DOK6: variants seen among roughly 807,000 people sequenced by gnomAD.
DOK6 encodes docking protein 6.
In DOK6, 22 loss-of-function variants were observed where a neutral mutation model predicts 44.0. That is an observed-to-expected ratio of 0.50 (90% CI 0.36 to 0.71). The LOEUF (loss-of-function observed/expected upper bound fraction) is 0.71. Among genes scored for constraint, DOK6 ranks in the 30% least tolerant of loss-of-function variants. The pLI is 0.00. For missense variants in DOK6, 340 were observed against 416.4 expected, an observed-to-expected ratio of 0.82 and a Z score of 1.60; for synonymous variants, 166 against 145.5, an observed-to-expected ratio of 1.14 and a Z score of -1.01.
chr18:69,617,450 GAGGA>G (rs934956627), intron 3 of DOK6, among the ~76,000 whole-genome samples: 7 of 147,112 alleles, frequency 4.8e-5, no homozygotes, highest in Admixed American at 1.4e-4. Flanking sequence ...GGGAGAGAGG[GAGGA>G]AGGAAGGAAG....
In DOK6 at chr18:69,757,802, C is replaced by G. The variant is rs1428870621; in HGVS notation, c.785C>G (p.Ser262Cys). 6.2e-7 allele frequency: 1 copy of G among 1,614,168 alleles called. No individual in the cohort carries two copies. The highest frequency in any genetic ancestry group is 1.1e-5 in the South Asian group (1 of 91,090). ...CCAATGACATTATCCAAATCAATAT[C>G]TCTTCCTCGCAGCGCGTACTGGCAT... ...TEPMTLSKSI[S>C]LPRSAYWHHI... Residue 262 changes from serine to cysteine, a missense_variant, in exon 7 of 8, where the codon TCT becomes TGT. Around this residue, in one of 3 missense-constraint regions of DOK6, gnomAD observed 112 missense variants for 109.3 expected, o/e 1.02. Transcript: ENST00000382713.
chr18:69,448,223 G>A (rs563823316), intron 1 of DOK6, among the ~76,000 whole-genome samples: 1 of 152,276 alleles, frequency 6.6e-6, no homozygotes, highest in Admixed American at 6.5e-5. Context: ...TGTTTTAAGT[G>A]TTTAACTAGA....
chr18:69,835,253 G>A (rs1982012940), intron 7 of DOK6, among the ~76,000 whole-genome samples: 1 of 152,086 alleles, frequency 6.6e-6, no homozygotes, highest in Non-Finnish European at 1.5e-5. Flanking sequence ...ACGAGGTCAG[G>A]AGATCAAGAC....
At chr18:69,558,939 C>T (rs892235828) in intron 1 of DOK6, among the ~76,000 whole-genome samples, 45 of 151,978 alleles carry the variant, frequency 3.0e-4, no homozygotes, top group African/African-American at 1.1e-3. Flanking sequence ...TACAGGAACT[C>T]CACCATTTTT....
chr18:69,726,655 G>A (rs1437337979), intron 5 of DOK6, among the ~76,000 whole-genome samples: 1 of 142,962 alleles, frequency 7.0e-6, no homozygotes, highest in East Asian at 2.0e-4. Context: ...GTACATGTAT[G>A]TATATGTGTG....
chr18:69,643,098 A>T (rs969501730), intron 3 of DOK6, among the ~76,000 whole-genome samples: 1 of 152,214 alleles, frequency 6.6e-6, no homozygotes. Context: ...TCACTGTAAT[A>T]AACCATTACT....
chr18:69,474,825 G>A (rs1980216513), intron 1 of DOK6, among the ~76,000 whole-genome samples: 1 of 152,062 alleles, frequency 6.6e-6, no homozygotes, highest in African/African-American at 2.4e-5. Flanking sequence ...GTTAGCAAAT[G>A]GATATAACCC....
intron 1 of DOK6, among the ~76,000 whole-genome samples, chr18:69,455,152 A>G (rs1288357394): frequency 1.4e-5 from 1 of 69,052 alleles, no homozygotes; most frequent in East Asian, 9.9e-4. Context: ...CTGAATAGCT[A>G]TAGCAAAAAA....
intron 1 of DOK6, among the ~76,000 whole-genome samples, chr18:69,513,437 C>G (rs1981430657): frequency 6.6e-6 from 1 of 152,188 alleles, no homozygotes. Flanking sequence ...TCTTGCCATA[C>G]TTTGCTTATG....
chr18:69,641,060 C>CA (rs1435671939), intron 3 of DOK6, among the ~76,000 whole-genome samples: 2 of 151,690 alleles, frequency 1.3e-5, no homozygotes, highest in African/African-American at 4.8e-5. Flanking sequence ...TACTAAAATA[C>CA]AAAAAATTAG....
In DOK6 at chr18:69,845,927, C is replaced by T. The variant is rs956071083; in HGVS notation, c.*4544C>T. 6.6e-6 allele frequency: 1 copy of T among 152,158 alleles called. No individual in the cohort carries two copies. The highest frequency in any genetic ancestry group is 1.5e-5 in the Non-Finnish European group (1 of 68,030). The allele number at this position is 152,158 out of a possible 1,614,324, so 9.4% of individuals were successfully genotyped here. On this transcript the variant is annotated 3_prime_UTR_variant, in exon 8 of 8. Coordinates refer to ENST00000382713, the MANE Select transcript of DOK6 (RefSeq NM_152721.6). The stretch of plus-strand genomic sequence containing the variant: ...TGAGAATCACTTTTATATAGCCAAC[C>T]TCATTTGAATTTTATCATGAACATA...
intron 1 of DOK6, among the ~76,000 whole-genome samples, chr18:69,413,455 G>A (rs1222369967): frequency 6.6e-6 from 1 of 151,888 alleles, no homozygotes; most frequent in Non-Finnish European, 1.5e-5. Flanking sequence ...ATTTAAATAG[G>A]GACCCACACA....
At chr18:69,811,138 A>G (rs1981210422) in intron 7 of DOK6, among the ~76,000 whole-genome samples, 1 of 152,036 alleles carries the variant, frequency 6.6e-6, no homozygotes, top group Non-Finnish European at 1.5e-5. Flanking sequence ...TTAGAAGGAA[A>G]TCCACCATGT....
intron 5 of DOK6, among the ~76,000 whole-genome samples, chr18:69,734,092 T>TC (rs1336839527): frequency 5.3e-5 from 8 of 151,972 alleles, no homozygotes; most frequent in Admixed American, 2.0e-4. Context: ...TGCTTTTTTT[T>TC]CCCCATTTGC....
chr18:69,449,187 A>T (rs971353693), intron 1 of DOK6, among the ~76,000 whole-genome samples: 3 of 152,214 alleles, frequency 2.0e-5, no homozygotes, highest in Admixed American at 6.5e-5. Context: ...GTTTATTGCT[A>T]AAAAGTTGGG....
intron 4 of DOK6, among the ~76,000 whole-genome samples, chr18:69,687,769 A>C (rs1986184435): frequency 6.6e-6 from 1 of 152,188 alleles, no homozygotes; most frequent in African/African-American, 2.4e-5. Flanking sequence ...ATCATTCTTG[A>C]GAGTAAAGTA....
chr18:69,438,253 G>A (rs776480042), intron 1 of DOK6, among the ~76,000 whole-genome samples: 5 of 152,180 alleles, frequency 3.3e-5, no homozygotes, highest in Non-Finnish European at 5.9e-5. Flanking sequence ...CAAAGTTTAC[G>A]TAATATTATA....
intron 3 of DOK6, among the ~76,000 whole-genome samples, chr18:69,642,242 G>A (rs7505508): frequency 0.33 from 49,646 of 151,846 alleles, 9,111 homozygotes; most frequent in Non-Finnish European, 0.41. Flanking sequence ...GCAATACCAT[G>A]ATCACAACCA....
intron 3 of DOK6, among the ~76,000 whole-genome samples, chr18:69,638,493 T>TC (rs1171296469): frequency 6.6e-6 from 1 of 151,844 alleles, no homozygotes; most frequent in East Asian, 1.9e-4. Flanking sequence ...TTATTCTTTT[T>TC]TTTTTTGTAA....
Sources: allele counts gnomAD v4.1 joint callset (sites outside exome capture counted in the v4.1 genomes callset), GRCh38; gene constraint gnomAD v4.1.1; regional missense constraint gnomAD v4.1.1; transcripts MANE v1.5; gene names NCBI Gene and HGNC (gene_info 2026-07-23, HGNC 2026-07-21).